Variants in ADGB observed in about 807,000 individuals in gnomAD.
ADGB encodes calpain-7-like protein.
Under a neutral mutation model 210.5 loss-of-function variants are expected in ADGB, and 172 were observed. That is an observed-to-expected ratio of 0.82 (90% CI 0.72 to 0.93). ADGB has a LOEUF of 0.93. ADGB is among the 40% of genes least tolerant of loss of function. ADGB has a pLI of 0.00. For synonymous variants in ADGB, 658 were observed against 662.7 expected (o/e 0.99, Z 0.11); for missense variants, 2,025 against 1,964.8 (o/e 1.03, Z -0.58).
chr6:146,809,826 T>A (rs60280242), intron 35 of ADGB, among the ~76,000 whole-genome samples: 7,925 of 152,282 alleles, frequency 0.052, 222 homozygotes, highest in Middle Eastern at 0.15. Context: ...ATTAAAGATT[T>A]AAATGTAACA....
At position 146,717,103 on chromosome 6, in the gene ADGB, C is replaced by T. The variant is rs1301583662; in HGVS notation, c.1928+34C>T. On this transcript the variant is annotated intron_variant, in intron 15 of 35. Coordinates refer to ENST00000397944, the MANE Select transcript of ADGB (RefSeq NM_024694.4). Reference sequence around the variant, plus strand: ...ACCAATGGGATCAATCTGACTATGTCGTAGTGGTTAAACCCTGAGCTGCAT... The same window carrying T: ...ACCAATGGGATCAATCTGACTATGTTGTAGTGGTTAAACCCTGAGCTGCAT... 5.3e-6 allele frequency: 8 copies of T among 1,507,380 alleles called. No individual in the cohort carries two copies. In the East Asian group the frequency reaches 7.4e-5, roughly 14 times the overall value. 93.4% of individuals were successfully genotyped at this position (1,507,380 alleles called of 1,614,324 possible).
chr6:146,779,629 C>T (rs1777771084), intron 29 of ADGB, among the ~76,000 whole-genome samples: 1 of 151,854 alleles, frequency 6.6e-6, no homozygotes, highest in African/African-American at 2.4e-5. Flanking sequence ...ACATCAACAT[C>T]TAGGGAGACC....
At chr6:146,634,216 G>A (rs1775361866) in intron 1 of ADGB, among the ~76,000 whole-genome samples, 1 of 152,062 alleles carries the variant, frequency 6.6e-6, no homozygotes, top group African/African-American at 2.4e-5. Flanking sequence ...GCCTAGCTGT[G>A]TTGCAGGCTA....
chr6:146,763,609 G>A (rs956706458), intron 27 of ADGB, among the ~76,000 whole-genome samples: 13 of 152,090 alleles, frequency 8.5e-5, no homozygotes, highest in East Asian at 3.9e-4. Context: ...AGTGTCTGGC[G>A]TTAGCTTAGG....
chr6:146,746,138 C>A, intron 26 of ADGB, 29 bp downstream of exon 26: 1 of 1,402,138 alleles, frequency 7.1e-7, no homozygotes, highest in Non-Finnish European at 9.6e-7. Context: ...AGGGGAAAGG[C>A]ATTTTTTAAA....
chr6:146,695,051 G>T (rs1331636655), intron 12 of ADGB, among the ~76,000 whole-genome samples: 3 of 152,048 alleles, frequency 2.0e-5, no homozygotes, highest in African/African-American at 4.8e-5. Flanking sequence ...AGCCTTCCTT[G>T]CTTCCTGGAT....
chr6:146,686,080 A>C (rs1776228696), intron 10 of ADGB, among the ~76,000 whole-genome samples: 1 of 152,066 alleles, frequency 6.6e-6, no homozygotes, highest in African/African-American at 2.4e-5. Context: ...GTCACTTTTA[A>C]TTTTTATAGA....
intron 4 of ADGB, among the ~76,000 whole-genome samples, chr6:146,654,495 G>A (rs543042337): frequency 7.7e-4 from 117 of 152,036 alleles, no homozygotes; most frequent in African/African-American, 2.7e-3. Flanking sequence ...TGGGACTACA[G>A]GGATGTGCCA....
At position 146,660,743 on chromosome 6, in the gene ADGB, T is replaced by C. The variant is rs545096881; in HGVS notation, c.613-3458T>C. Among the ~76,000 whole-genome samples, 10 of 152,292 alleles carry C rather than the reference T, an allele frequency of 6.6e-5. No individual in the cohort carries two copies. The South Asian group carries it at 2.1e-3, about 32-fold the overall frequency. ...GTCTTTGCCCATTTGTACGGACTTC[T>C]TTTTCTAGGATTTCTACCATATGGA... On this transcript the variant is annotated intron_variant, in intron 5 of 35. Transcript: ENST00000397944.
chr6:146,811,140 A>T (rs184749775), intron 35 of ADGB, among the ~76,000 whole-genome samples: 1 of 152,216 alleles, frequency 6.6e-6, no homozygotes, highest in East Asian at 1.9e-4. Flanking sequence ...CAACCTTATG[A>T]CCCCAGCTCC....
intron 35 of ADGB, among the ~76,000 whole-genome samples, chr6:146,809,231 T>TGGGA (rs1778262498): frequency 1.3e-5 from 2 of 152,178 alleles, no homozygotes; most frequent in African/African-American, 4.8e-5. Context: ...CTCAGCTTTT[T>TGGGA]CCTAACACTT....
intron 23 of ADGB, among the ~76,000 whole-genome samples, chr6:146,738,664 G>C (rs964462679): frequency 2.0e-5 from 3 of 151,892 alleles, no homozygotes; most frequent in Non-Finnish European, 1.5e-5. Context: ...TAGCCAGGAT[G>C]GTCTCGATCT....
chr6:146,756,663 A>G (rs1400677041), intron 27 of ADGB, among the ~76,000 whole-genome samples: 2 of 151,894 alleles, frequency 1.3e-5, no homozygotes, highest in African/African-American at 4.8e-5. Context: ...CCACTGTACC[A>G]ATATATTTCC....
intron 35 of ADGB, among the ~76,000 whole-genome samples, chr6:146,804,040 T>C (rs982621685): frequency 6.6e-6 from 1 of 152,180 alleles, no homozygotes; most frequent in Non-Finnish European, 1.5e-5. Context: ...AGATCACCAC[T>C]TCAACTTTTT....
intron 13 of ADGB, among the ~76,000 whole-genome samples, chr6:146,703,292 CATG>C (rs1179811422): frequency 2.6e-5 from 4 of 151,666 alleles, no homozygotes; most frequent in Admixed American, 1.3e-4. Context: ...TAGTGTAAAA[CATG>C]ATGTTTTGAA....
chr6:146,750,582 T>C (rs1169621039), intron 26 of ADGB, among the ~76,000 whole-genome samples: 2 of 152,188 alleles, frequency 1.3e-5, no homozygotes, highest in South Asian at 4.1e-4. Flanking sequence ...TCTTTTAGTG[T>C]CGTCATATAT....
rs557690537 is a variant in ADGB at position 146,657,619 on chromosome 6, C to T, written c.612+639C>T. ...CTGCCTCTGCACTCTCATGCTGAGG[C>T]GAGCGGGGCAGGCAGGTGGATGCAC... On this transcript the variant is annotated intron_variant, in intron 5 of 35. Transcript: ENST00000397944. 7.2e-5 allele frequency among the ~76,000 whole-genome samples: 11 copies of T among 152,246 alleles called. No individual in the cohort carries two copies. In the East Asian group the frequency reaches 7.8e-4, roughly 11 times the overall value.
chr6:146,632,864 C>T (rs1158890320), intron 1 of ADGB, among the ~76,000 whole-genome samples: 2 of 152,086 alleles, frequency 1.3e-5, no homozygotes, highest in Non-Finnish European at 2.9e-5. Flanking sequence ...TGGTCAGGGT[C>T]CATTTAGAAT....
Position 146,716,054 on chromosome 6 carries a change from C to CAAA in ADGB, c.1741+656_1741+658dup, listed in dbSNP as rs61093466. ...CTGCACTCCAGCCTGGACTCCGTCT[C>CAAA]AAAAAAAAAAAAAAAAAAATGGTAT... On this transcript the variant is annotated intron_variant, in intron 14 of 35. Coordinates refer to ENST00000397944, the MANE Select transcript of ADGB (RefSeq NM_024694.4). Among the ~76,000 whole-genome samples the CAAA allele has an allele frequency of 2.1e-3, 201 of 96,924 alleles. 2 individuals are homozygous for CAAA. Among genetic ancestry groups the CAAA allele is most frequent in the East Asian group, 9.7e-3 (31 of 3,192 alleles). The allele number at this position is 96,924 out of a possible 152,430, so 63.6% of individuals were successfully genotyped here.
Sources: allele counts gnomAD v4.1 joint callset (sites outside exome capture counted in the v4.1 genomes callset), GRCh38; gene constraint gnomAD v4.1.1; transcripts MANE v1.5; gene names NCBI Gene and HGNC (gene_info 2026-07-23, HGNC 2026-07-21).